Variants in ZNF599 observed in about 807,000 individuals in gnomAD.
The protein encoded by ZNF599 is zinc finger protein 599.
A neutral mutation model predicts 11.7 loss-of-function variants in ZNF599; 10 were observed. The observed-to-expected ratio is 0.86, with a 90% CI of 0.53 to 1.45. The LOEUF is 1.45. Ranked by LOEUF, ZNF599 falls within the 40% of genes most tolerant of loss-of-function variation. The pLI is 0.00. For synonymous variants in ZNF599, 232 were observed against 253.2 expected (o/e 0.92, Z 0.79); for missense variants, 688 against 713.6 (o/e 0.96, Z 0.41).
At chr19:34,775,428 A>C (rs1283355521), upstream of ZNF599, among the ~76,000 whole-genome samples, 1 of 152,242 alleles carries the variant, frequency 6.6e-6, no homozygotes, top group Non-Finnish European at 1.5e-5. Flanking sequence ...CATGTATATG[A>C]AGTGTGCAGG....
At chr19:34,777,466 TATATATTAATTAATATATAATATATG>T (rs1568497119), upstream of ZNF599, among the ~76,000 whole-genome samples, 1 of 96,178 alleles carries the variant, frequency 1.0e-5, no homozygotes, top group African/African-American at 4.8e-5. Context: ...TATAATATAT[TATATATTAATTAATATATAATATATG>T]ATATATATTA....
At chr19:34,778,196 A>T, upstream of ZNF599, among the ~76,000 whole-genome samples, 1 of 152,128 alleles carries the variant, frequency 6.6e-6, no homozygotes, top group South Asian at 2.1e-4. Context: ...TTGAAGGGAA[A>T]TCTATAATAT....
chr19:34,764,162 T>TTA (rs1157152095), intron 3 of ZNF599: 1 of 152,204 alleles, frequency 6.6e-6, no homozygotes, highest in African/African-American at 2.4e-5. Context: ...CACTGTCTAT[T>TTA]ATCATTATAG....
At chr19:34,803,982 A>G in the ZNF599 span, among the ~76,000 whole-genome samples, 1 of 152,308 alleles carries the variant, frequency 6.6e-6, no homozygotes, top group African/African-American at 2.4e-5. Context: ...CATGGCATCA[A>G]GAACATGCCT....
chr19:34,794,224 A>C, the ZNF599 span, among the ~76,000 whole-genome samples: 1 of 152,184 alleles, frequency 6.6e-6, no homozygotes, highest in Admixed American at 6.5e-5. Context: ...TCCCTCCCAC[A>C]ACATGTGGGA....
At chr19:34,783,550 T>A in the ZNF599 span, among the ~76,000 whole-genome samples, 17 of 152,078 alleles carry the variant, frequency 1.1e-4, no homozygotes, top group Non-Finnish European at 2.5e-4. Context: ...TGGCTATACA[T>A]GAATGACTTA....
the ZNF599 span, among the ~76,000 whole-genome samples, chr19:34,795,237 G>A: frequency 1.3e-5 from 2 of 152,088 alleles, no homozygotes; most frequent in East Asian, 3.9e-4. Context: ...TGACTGGTGG[G>A]GTTAGTAAAA....
At chr19:34,766,762 T>C (rs563183941) in intron 3 of ZNF599, among the ~76,000 whole-genome samples, 1 of 152,342 alleles carries the variant, frequency 6.6e-6, no homozygotes, top group East Asian at 1.9e-4. Flanking sequence ...TGATACAACA[T>C]GTAGCCTAAT....
intron 2 of ZNF599, 115 bp from the exon 3 acceptor site, chr19:34,767,526 C>G: frequency 1.4e-6 from 1 of 694,280 alleles, no homozygotes; most frequent in Admixed American, 2.7e-5. Flanking sequence ...AGAAAGGGCC[C>G]TCCCCTGCCT....
chr19:34,784,013 C>T, the ZNF599 span, among the ~76,000 whole-genome samples: 1 of 152,172 alleles, frequency 6.6e-6, no homozygotes, highest in Non-Finnish European at 1.5e-5. Context: ...TGCCCAAGAC[C>T]CCCTGTATTC....
rs1006642385 is a variant in ZNF599, at chr19:34,772,916, C to A, written c.-75G>T. On this transcript the variant is annotated 5_prime_UTR_variant, in exon 1 of 4. Coordinates refer to ENST00000329285, the MANE Select transcript of ZNF599 (RefSeq NM_001007248.3). Reference sequence around the variant, plus strand: ...CTGCGGGCTCGGCCGACCCCGGGCTCCGGCTCTGGGCTGCGAGGGACCTCA... The same window carrying A: ...CTGCGGGCTCGGCCGACCCCGGGCTACGGCTCTGGGCTGCGAGGGACCTCA... 2 of 1,391,824 alleles carry A rather than the reference C, an allele frequency of 1.4e-6. No homozygotes were observed. Among genetic ancestry groups the A allele is most frequent in the Non-Finnish European group, 1.9e-6 (2 of 1,076,794 alleles). 86.2% of individuals were successfully genotyped at this position (1,391,824 alleles called of 1,614,324 possible).
upstream of ZNF599, among the ~76,000 whole-genome samples, chr19:34,777,533 T>A (rs2069227502): frequency 8.4e-6 from 1 of 119,524 alleles, no homozygotes; most frequent in East Asian, 2.1e-4. Context: ...TTATATATAA[T>A]CTATATATCT....
chr19:34,760,143 T>C lies in ZNF599; in HGVS notation c.658A>G (p.Ile220Val). Residue 220 changes from isoleucine (I) to valine (V), a missense_variant, in exon 4 of 4, where the codon ATT (isoleucine) becomes GTT (valine). Transcript: ENST00000329285. ...KKWALVRHQQ[I>V]HAGVKPYECN... Reference sequence around the variant, plus strand: ...TCATAGGGCTTCACTCCAGCATGAATCTGTTGATGCCGAACAAGGGCCCAC... The same window carrying C: ...TCATAGGGCTTCACTCCAGCATGAACCTGTTGATGCCGAACAAGGGCCCAC... 6.2e-7 allele frequency: 1 copy of C among 1,614,166 alleles called. No individual in the cohort carries two copies. The highest frequency in any genetic ancestry group is 2.2e-5 in the East Asian group (1 of 44,894).
At chr19:34,804,357 AC>A in the ZNF599 span, among the ~76,000 whole-genome samples, 1 of 152,066 alleles carries the variant, frequency 6.6e-6, no homozygotes, top group Non-Finnish European at 1.5e-5. Context: ...TTTTCCCCAG[AC>A]CCAACCTTCA....
the ZNF599 span, among the ~76,000 whole-genome samples, chr19:34,790,938 T>C: frequency 6.6e-6 from 1 of 152,216 alleles, no homozygotes; most frequent in South Asian, 2.1e-4. Flanking sequence ...GTGTTATTAT[T>C]ATTCATTGCA....
chr19:34,772,927 C>G lies in ZNF599; in HGVS notation c.-86G>C. Reference sequence around the variant, plus strand: ...GCCGACCCCGGGCTCCGGCTCTGGGCTGCGAGGGACCTCAGTCCCCGCCGT... The same window carrying G: ...GCCGACCCCGGGCTCCGGCTCTGGGGTGCGAGGGACCTCAGTCCCCGCCGT... On this transcript the variant is annotated 5_prime_UTR_variant, in exon 1 of 4. Coordinates refer to ENST00000329285, the MANE Select transcript of ZNF599 (RefSeq NM_001007248.3). 7.4e-7 allele frequency: 1 copy of G among 1,357,538 alleles called. No individual in the cohort carries two copies. Among genetic ancestry groups the G allele is most frequent in the Non-Finnish European group, 9.5e-7 (1 of 1,049,544 alleles). The allele number at this position is 1,357,538 out of a possible 1,614,324, so 84.1% of individuals were successfully genotyped here. A position where few individuals can be genotyped will look rare whatever the true frequency, so the allele number is the denominator to read the frequency against.
chr19:34,769,576 G>A, intron 1 of ZNF599, 21 bp from the exon 2 acceptor site: 16 of 1,608,638 alleles, frequency 9.9e-6, no homozygotes, highest in Non-Finnish European at 1.3e-5. Flanking sequence ...AAACAGAGGT[G>A]ACAGGTGGCT....
intron 1 of ZNF599, 58 bp from the exon 2 acceptor site, chr19:34,769,613 T>A (rs1337024877): frequency 6.3e-7 from 1 of 1,580,036 alleles, no homozygotes; most frequent in Non-Finnish European, 8.6e-7. Context: ...AAATTACAGC[T>A]CACTTCTTGG....
At chr19:34,805,629 C>A in the ZNF599 span, among the ~76,000 whole-genome samples, 5 of 152,136 alleles carry the variant, frequency 3.3e-5, no homozygotes, top group Non-Finnish European at 7.3e-5. Flanking sequence ...TGCAGTAGCC[C>A]CATCCATGAT....
Sources: gnomAD v4.1 joint callset for allele counts (sites outside exome capture counted in the v4.1 genomes callset) on GRCh38, gnomAD v4.1.1 for gene constraint, MANE v1.5 for transcripts, NCBI Gene and HGNC (gene_info 2026-07-23, HGNC 2026-07-21) for gene names.